PPP1R14A: variants seen among roughly 807,000 people sequenced by gnomAD.
The protein encoded by PPP1R14A is protein phosphatase 1 regulatory inhibitor subunit 14A.
In PPP1R14A, 9 loss-of-function variants were observed where a neutral mutation model predicts 14.1. The ratio of observed to expected loss-of-function variants is 0.64; its 90% CI spans 0.38 to 1.11. The LOEUF (loss-of-function observed/expected upper bound fraction) is 1.11, where lower values mean the gene tolerates loss of function less well. PPP1R14A is among the 50% of genes most tolerant of loss of function. The pLI is 0.01. For synonymous variants in PPP1R14A, 93 were observed against 88.7 expected (o/e 1.05, Z -0.27); for missense variants, 208 against 200.7 (o/e 1.04, Z -0.22).
At chr19:38,254,905 T>C (rs1968229900) in intron 1 of PPP1R14A, among the ~76,000 whole-genome samples, 1 of 151,760 alleles carries the variant, frequency 6.6e-6, no homozygotes, top group Admixed American at 6.6e-5. Context: ...GCGATTCTCC[T>C]CCCGAGTAGC....
In PPP1R14A at chr19:38,252,756, G is replaced by T; in HGVS notation, c.282+138C>A. On this transcript the variant is annotated intron_variant, in intron 2 of 3. Coordinates refer to ENST00000301242, the MANE Select transcript of PPP1R14A (RefSeq NM_033256.3). This position sits in a 1 kb window ranked among gnomAD's most constrained non-coding sequence, Gnocchi z 4.1. ...CGCCTGCTTCGGAGGGTTTTGTGAG[G>T]GTTAAGTGAGTGAATACATGTAAAG... The T allele has an allele frequency of 1.3e-6, 1 of 747,170 alleles. No homozygotes were observed. The highest frequency in any genetic ancestry group is 2.4e-6 in the Non-Finnish European group (1 of 421,844). The allele number at this position is 747,170 out of a possible 1,614,324, so 46.3% of individuals were successfully genotyped here. A position where few individuals can be genotyped will look rare whatever the true frequency, so the allele number is the denominator to read the frequency against.
intron 1 of PPP1R14A, 53 bp from the exon 2 acceptor site, chr19:38,253,027 C>T (rs865788127): frequency 6.9e-7 from 1 of 1,452,348 alleles, no homozygotes; most frequent in East Asian, 2.3e-5. Flanking sequence ...CCTCCCTCGC[C>T]TTTGTCCAGG....
chr19:38,251,936 C>A, intron 3 of PPP1R14A: 1 of 393,546 alleles, frequency 2.5e-6, no homozygotes, highest in South Asian at 4.1e-5. Context: ...GCTTCAGGGC[C>A]TGGGAGGATG....
At chr19:38,251,482 AG>A (rs1968189570) in intron 3 of PPP1R14A, 36 bp from the exon 4 acceptor site, 1 of 1,476,828 alleles carries the variant, frequency 6.8e-7, no homozygotes, top group Non-Finnish European at 8.9e-7. Flanking sequence ...ACATGGGAAC[AG>A]TGCGGGGGCA....
In PPP1R14A at chr19:38,252,438, A is replaced by C; in HGVS notation, c.283-100T>G. 3 of 1,218,210 alleles carry C rather than the reference A, an allele frequency of 2.5e-6. No homozygotes were observed. Among genetic ancestry groups the C allele is most frequent in the Non-Finnish European group, 3.5e-6 (3 of 846,368 alleles). The allele number at this position is 1,218,210 out of a possible 1,614,324, so 75.5% of individuals were successfully genotyped here. ...CCAAAAGGCCCCAGCAGCAAGACAA[A>C]TGGAAGTCAGACTCCAGGGTGGACT... On this transcript the variant is annotated intron_variant, in intron 2 of 3. Transcript: ENST00000301242. The surrounding 1 kb of genome is among the most constrained non-coding windows in gnomAD (Gnocchi z 4.1).
Position 38,256,374 on chromosome 19 carries a change from C to T in PPP1R14A, c.-35G>A. 1 of 1,380,224 alleles carries T rather than the reference C, an allele frequency of 7.2e-7. No homozygotes were observed. The highest frequency in any genetic ancestry group is 1.7e-5 in the South Asian group (1 of 59,960). The allele number at this position is 1,380,224 out of a possible 1,614,324, so 85.5% of individuals were successfully genotyped here. ...GGACCCAGCCTGGCCCCGCGCTGTGCGCCTTCGCCTCGCGCCCCGGGTGCT... is the reference window on the plus strand; with the variant it reads ...GGACCCAGCCTGGCCCCGCGCTGTGTGCCTTCGCCTCGCGCCCCGGGTGCT... On this transcript the variant is annotated 5_prime_UTR_variant, in exon 1 of 4. Coordinates refer to ENST00000301242, the MANE Select transcript of PPP1R14A (RefSeq NM_033256.3). The surrounding 1 kb of genome is among the most constrained non-coding windows in gnomAD (Gnocchi z 5.7).
intron 1 of PPP1R14A, among the ~76,000 whole-genome samples, chr19:38,255,865 C>G (rs1600319861): frequency 6.6e-6 from 1 of 152,168 alleles, no homozygotes; most frequent in East Asian, 1.9e-4. Context: ...TAGCCTCCTC[C>G]CTCCTCATGC....
Position 38,256,231 on chromosome 19 carries a change from C to G in PPP1R14A, c.109G>C (p.Val37Leu), listed in dbSNP as rs1166839796. The change falls in exon 1 of 4, where the codon GTC becomes CTC. Residue 37 changes from valine (V) to leucine (L), a missense_variant. Physicochemically the swap from Val to Leu is conservative, Grantham distance 32. Coordinates refer to ENST00000301242, the MANE Select transcript of PPP1R14A (RefSeq NM_033256.3). This position sits in a 1 kb window ranked among gnomAD's most constrained non-coding sequence, Gnocchi z 5.7. ...PGGLQKRHAR[V>L]TVKYDRRELQ... ...TCCCGCCGGTCATACTTGACGGTGA[C>G]GCGCGCGTGCCGCTTCTGCAGCCCC... is the stretch of plus-strand genomic sequence containing the variant. The G allele has an allele frequency of 3.2e-6, 5 of 1,552,662 alleles. No individual in the cohort carries two copies. In the African/African-American group the frequency reaches 6.8e-5, roughly 21 times the overall value.
chr19:38,256,257 C>A lies in PPP1R14A; in HGVS notation c.83G>T (p.Gly28Val), dbSNP rs551172545. 1 of 1,548,200 alleles carries A rather than the reference C, an allele frequency of 6.5e-7. No individual in the cohort carries two copies. Among genetic ancestry groups the A allele is most frequent in the Non-Finnish European group, 8.7e-7 (1 of 1,152,270 alleles). The change falls in exon 1 of 4, where the codon GGG becomes GTG. Residue 28 changes from glycine to valine, a missense_variant. By Grantham distance (109) the Gly-to-Val change is moderately radical. Transcript: ENST00000301242. This position sits in a 1 kb window ranked among gnomAD's most constrained non-coding sequence, Gnocchi z 5.7. ...SRARGPGGSP[G>V]GLQKRHARVT... Reference sequence around the variant, plus strand: ...GCGCGCGTGCCGCTTCTGCAGCCCCCCGGGACTGCCCCCTGGCCCGCGGGC... The same window carrying A: ...GCGCGCGTGCCGCTTCTGCAGCCCCACGGGACTGCCCCCTGGCCCGCGGGC...
chr19:38,256,116 C>A lies in PPP1R14A; in HGVS notation c.201+23G>T. 6.5e-7 allele frequency: 1 copy of A among 1,531,810 alleles called. No individual in the cohort carries two copies. The highest frequency in any genetic ancestry group is 8.7e-7 in the Non-Finnish European group (1 of 1,144,082). The allele number at this position is 1,531,810 out of a possible 1,614,324, so 94.9% of individuals were successfully genotyped here. A position where few individuals can be genotyped will look rare whatever the true frequency, so the allele number is the denominator to read the frequency against. On this transcript the variant is annotated intron_variant, in intron 1 of 3. Transcript: ENST00000301242. The surrounding 1 kb of genome is among the most constrained non-coding windows in gnomAD (Gnocchi z 5.7). ...CCGGGCTCTATCTGTCCCCGACCAC[C>A]CCCGAGCCCTCCCCGGGCTCACCAT... is the stretch of plus-strand genomic sequence containing the variant.
In PPP1R14A at chr19:38,251,465, G is replaced by A. The variant is rs763141529; in HGVS notation, c.316-19C>T. On this transcript the variant is annotated intron_variant, in intron 3 of 3. Coordinates refer to ENST00000301242, the MANE Select transcript of PPP1R14A (RefSeq NM_033256.3). ...TGAAGTCCTGAGACAGGGTGGGGGA[G>A]CTGAGAACATGGGAACAGTGCGGGG... 1.3e-6 allele frequency: 2 copies of A among 1,556,150 alleles called. No individual in the cohort carries two copies. The highest frequency in any genetic ancestry group is 4.0e-5 in the Admixed American group (2 of 50,316).
chr19:38,254,487 T>C (rs1028978220), intron 1 of PPP1R14A, among the ~76,000 whole-genome samples: 1 of 151,958 alleles, frequency 6.6e-6, no homozygotes, highest in African/African-American at 2.4e-5. Flanking sequence ...GTAATTTTAG[T>C]AGAGACAGGG....
intron 1 of PPP1R14A, chr19:38,253,221 C>T: frequency 2.1e-6 from 1 of 479,004 alleles, no homozygotes; most frequent in East Asian, 3.7e-5. Flanking sequence ...GCCCCGGGAG[C>T]CTCGGGGCTG....
chr19:38,251,270 C>T lies in PPP1R14A; in HGVS notation c.*48G>A. On this transcript the variant is annotated 3_prime_UTR_variant, in exon 4 of 4. Coordinates refer to ENST00000301242, the MANE Select transcript of PPP1R14A (RefSeq NM_033256.3). The stretch of plus-strand genomic sequence containing the variant: ...ACAGAACCATTAAATACAACTTATA[C>T]ACAAGCAAGCTGGGCGGCGTCCGGG... 1 of 1,393,286 alleles carries T rather than the reference C, an allele frequency of 7.2e-7. No individual in the cohort carries two copies. Among genetic ancestry groups the T allele is most frequent in the Non-Finnish European group, 9.3e-7 (1 of 1,080,768 alleles). 86.3% of individuals were successfully genotyped at this position (1,393,286 alleles called of 1,614,324 possible).
In PPP1R14A at chr19:38,253,142, G is replaced by C. The variant is rs371673326; in HGVS notation, c.202-168C>G. 637 of 604,562 alleles carry C rather than the reference G, an allele frequency of 1.1e-3. 14 individuals carry two copies. In the South Asian group the frequency reaches 0.011, roughly 10 times the overall value. 37.4% of individuals were successfully genotyped at this position (604,562 alleles called of 1,614,324 possible). On this transcript the variant is annotated intron_variant, in intron 1 of 3. Transcript: ENST00000301242. ...CCAAGACGGGACATCTGGGTGTTGG[G>C]GGGGAGGGGTGACAGATGGGCTGAG...
chr19:38,256,197 C>T lies in PPP1R14A; in HGVS notation c.143G>A (p.Arg48Gln). The change falls in exon 1 of 4, where the codon CGG becomes CAG. Residue 48 changes from arginine (R) to glutamine (Q), a missense_variant. Physicochemically the swap from Arg to Gln is conservative, Grantham distance 43. Transcript: ENST00000301242. The surrounding 1 kb of genome is among the most constrained non-coding windows in gnomAD (Gnocchi z 5.7). ...GATCCACTTCTCCACGTCCAGCCGC[C>T]GCTGCAGCTCCCGCCGGTCATACTT... ...TVKYDRRELQ[R>Q]RLDVEKWIDG... is the part of the protein sequence containing the mutation. 6.5e-7 allele frequency: 1 copy of T among 1,550,112 alleles called. No homozygotes were observed. The highest frequency in any genetic ancestry group is 1.4e-5 in the African/African-American group (1 of 73,624).
At position 38,251,348 on chromosome 19, in the gene PPP1R14A, G is replaced by T; in HGVS notation, c.414C>A (p.Leu138=). The T allele has an allele frequency of 6.5e-7, 1 of 1,542,498 alleles. No homozygotes were observed. The highest frequency in any genetic ancestry group is 8.7e-7 in the Non-Finnish European group (1 of 1,155,616). The change falls in exon 4 of 4, where the codon CTC becomes CTA. Residue 138 remains leucine (L), a synonymous_variant. Coordinates refer to ENST00000301242, the MANE Select transcript of PPP1R14A (RefSeq NM_033256.3). Reference sequence around the variant, plus strand: ...GGTGAGCAGTCCGGGCCCGGTCCTGGAGGGGGCTGAGGCTGCCGTCGTGGG... The same window carrying T: ...GGTGAGCAGTCCGGGCCCGGTCCTGTAGGGGGCTGAGGCTGCCGTCGTGGG... ...SPSHDGSLSP[L]QDRARTAHP is the part of the protein sequence containing the mutation.
chr19:38,252,984 G>C lies in PPP1R14A; in HGVS notation c.202-10C>G. 1.2e-6 allele frequency: 2 copies of C among 1,605,436 alleles called. No individual in the cohort carries two copies. Among genetic ancestry groups the C allele is most frequent in the Non-Finnish European group, 8.5e-7 (1 of 1,172,366 alleles). On this transcript the variant is annotated splice_polypyrimidine_tract_variant and intron_variant, in intron 1 of 3. Coordinates refer to ENST00000301242, the MANE Select transcript of PPP1R14A (RefSeq NM_033256.3). The surrounding 1 kb of genome is among the most constrained non-coding windows in gnomAD (Gnocchi z 4.1). Reference sequence around the variant, plus strand: ...CGGGCATGTCTGCCTCCTAGGGCCAGGGAGGGAGGGGTGCTTAGGATCCCC... The same window carrying C: ...CGGGCATGTCTGCCTCCTAGGGCCACGGAGGGAGGGGTGCTTAGGATCCCC...
chr19:38,252,327 C>G lies in PPP1R14A; in HGVS notation c.294G>C (p.Lys98Asn). The G allele has an allele frequency of 6.2e-7, 1 of 1,612,726 alleles. No homozygotes were observed. Among genetic ancestry groups the G allele is most frequent in the Non-Finnish European group, 8.5e-7 (1 of 1,179,498 alleles). Residue 98 changes from lysine to asparagine, a missense_variant, in exon 3 of 4, where the codon AAG (lysine) becomes AAC (asparagine). Transcript: ENST00000301242. The surrounding 1 kb of genome is among the most constrained non-coding windows in gnomAD (Gnocchi z 4.1). ...TCACCTCGACAGGTTTCCCACATGA[C>G]TTCAGGAGTCCCTAAAACCCCCAAC... ...ERSRKIQGLL[K>N]SCGKPVEDFI...
Sources: allele counts gnomAD v4.1 joint callset (sites outside exome capture counted in the v4.1 genomes callset), GRCh38; gene constraint gnomAD v4.1.1; non-coding constraint Gnocchi (gnomAD v3.1); transcripts MANE v1.5; gene names NCBI Gene and HGNC (gene_info 2026-07-23, HGNC 2026-07-21).